Variants in ETV6 observed in about 807,000 individuals in gnomAD.
ETV6 encodes ETS variant transcription factor 6.
In ETV6, 16 loss-of-function variants were observed where a neutral mutation model predicts 51.1. The observed-to-expected ratio is 0.31, with a 90% CI of 0.21 to 0.48. The LOEUF is 0.48. Ranked by LOEUF, ETV6 falls within the 20% of genes least tolerant of loss-of-function variation. The pLI is 0.99. For missense variants in ETV6, 458 were observed against 594.8 expected, an observed-to-expected ratio of 0.77 and a Z score of 2.39; for synonymous variants, 240 against 224.1, an observed-to-expected ratio of 1.07 and a Z score of -0.64.
chr12:11,892,764 G>A lies in ETV6; in HGVS notation c.*1718G>A, dbSNP rs1314405651. 8.6e-6 allele frequency: 2 copies of A among 232,924 alleles called. No individual in the cohort carries two copies. Among genetic ancestry groups the A allele is most frequent in the Non-Finnish European group, 1.7e-5 (2 of 117,960 alleles). 14.4% of individuals were successfully genotyped at this position (232,924 alleles called of 1,614,324 possible). A position where few individuals can be genotyped will look rare whatever the true frequency, so the allele number is the denominator to read the frequency against. ...TTCTCCCCAGCTTTTTCTGAGTTGA[G>A]TCAGACATGTAGAGTTTGGGTCACA... is the stretch of plus-strand genomic sequence containing the variant. On this transcript the variant is annotated 3_prime_UTR_variant, in exon 8 of 8. Coordinates refer to ENST00000396373, the MANE Select transcript of ETV6 (RefSeq NM_001987.5).
rs1311984988 is a variant in ETV6, at chr12:11,722,698, G to A, written c.34-29752G>A. ...CTCCCAAACCCCAGTTGTAGGCCAG[G>A]CCCTAAACTGAGAGAAATGGACAAC... is the stretch of plus-strand genomic sequence containing the variant. On this transcript the variant is annotated intron_variant, in intron 1 of 7. Coordinates refer to ENST00000396373, the MANE Select transcript of ETV6 (RefSeq NM_001987.5). Among the ~76,000 whole-genome samples the A allele has an allele frequency of 3.9e-5, 6 of 152,186 alleles. No homozygotes were observed. The East Asian group carries it at 1.2e-3, about 29-fold the overall frequency.
At chr12:11,688,689 A>T (rs752340411) in intron 1 of ETV6, among the ~76,000 whole-genome samples, 1 of 152,184 alleles carries the variant, frequency 6.6e-6, no homozygotes, top group Non-Finnish European at 1.5e-5. Flanking sequence ...AGTTTAGGGC[A>T]ACCGTAGAAA....
At chr12:11,882,061 T>G (rs529110585) in intron 5 of ETV6, among the ~76,000 whole-genome samples, 25 of 152,314 alleles carry the variant, frequency 1.6e-4, no homozygotes, top group South Asian at 6.2e-4. Flanking sequence ...GACTATGGTG[T>G]TGTTGTTTTA....
Position 11,753,733 on chromosome 12 carries a change from G to A in ETV6, c.163+1154G>A, listed in dbSNP as rs1017713998. 7.2e-5 allele frequency among the ~76,000 whole-genome samples: 11 copies of A among 152,200 alleles called. No individual in the cohort carries two copies. The East Asian group carries it at 1.2e-3, about 16-fold the overall frequency. ...TGGGGGCTCCTGGGGGAACACTGCC[G>A]CCGGCTTATGCCTTCTGCCCCAGAG... On this transcript the variant is annotated intron_variant, in intron 2 of 7. Coordinates refer to ENST00000396373, the MANE Select transcript of ETV6 (RefSeq NM_001987.5).
chr12:11,851,088 G>A (rs1421726792), intron 3 of ETV6, among the ~76,000 whole-genome samples: 6 of 152,102 alleles, frequency 3.9e-5, no homozygotes, highest in African/African-American at 9.7e-5. Flanking sequence ...GACTCCCACC[G>A]AGGCAGCCGT....
At chr12:11,748,076 C>T (rs1865940426) in intron 1 of ETV6, among the ~76,000 whole-genome samples, 1 of 152,234 alleles carries the variant, frequency 6.6e-6, no homozygotes, top group South Asian at 2.1e-4. Flanking sequence ...ATATTGCTGG[C>T]ATGACCACTC....
intron 1 of ETV6, among the ~76,000 whole-genome samples, chr12:11,690,526 G>A (rs1450787346): frequency 1.3e-5 from 2 of 151,976 alleles, no homozygotes; most frequent in African/African-American, 4.8e-5. Context: ...AGGAGTTCGA[G>A]TCTGCAGTGA....
intron 1 of ETV6, among the ~76,000 whole-genome samples, chr12:11,654,580 C>T (rs1170083990): frequency 2.7e-5 from 4 of 147,282 alleles, no homozygotes; most frequent in Admixed American, 2.1e-4. Flanking sequence ...GGGTATGTGC[C>T]AAGGAAGATG....
At chr12:11,840,407 C>T (rs764380523) in intron 3 of ETV6, 9 of 455,884 alleles carry the variant, frequency 2.0e-5, no homozygotes, top group South Asian at 6.2e-5. Flanking sequence ...ATGCCTCTTG[C>T]GGGATTAATT....
chr12:11,723,005 C>G (rs2120935933), intron 1 of ETV6, among the ~76,000 whole-genome samples: 1 of 152,282 alleles, frequency 6.6e-6, no homozygotes, highest in Admixed American at 6.5e-5. Context: ...TTAATAACCA[C>G]AGGTGAAACC....
chr12:11,653,787 T>G (rs1837764227), intron 1 of ETV6, among the ~76,000 whole-genome samples: 2 of 152,112 alleles, frequency 1.3e-5, no homozygotes, highest in South Asian at 4.1e-4. Flanking sequence ...CTCAAATGCT[T>G]ATTAATAGAA....
At chr12:11,691,058 T>C (rs1864751857) in intron 1 of ETV6, among the ~76,000 whole-genome samples, 1 of 151,916 alleles carries the variant, frequency 6.6e-6, no homozygotes, top group South Asian at 2.1e-4. Flanking sequence ...GCCCAAATGG[T>C]CAAATTCTGG....
chr12:11,718,586 C>T (rs961046551), intron 1 of ETV6, among the ~76,000 whole-genome samples: 4 of 143,224 alleles, frequency 2.8e-5, no homozygotes, highest in Non-Finnish European at 6.0e-5. Flanking sequence ...GGCAACATGA[C>T]GAAACCCCAT....
At chr12:11,750,783 A>G (rs1591648607) in intron 1 of ETV6, 2 of 431,522 alleles carry the variant, frequency 4.6e-6, no homozygotes, top group East Asian at 1.2e-4. Flanking sequence ...TGTTTCCTAT[A>G]TGTGTGGGCT....
At chr12:11,847,302 AG>A (rs1445413373) in intron 3 of ETV6, among the ~76,000 whole-genome samples, 1 of 152,216 alleles carries the variant, frequency 6.6e-6, no homozygotes, top group Non-Finnish European at 1.5e-5. Context: ...TGTTTGTGTT[AG>A]GCACATCAAA....
intron 2 of ETV6, among the ~76,000 whole-genome samples, chr12:11,805,242 C>G (rs552088552): frequency 6.6e-6 from 1 of 152,278 alleles, no homozygotes; most frequent in South Asian, 2.1e-4. Flanking sequence ...GGTATCTCCC[C>G]CTGCAGGCAG....
At chr12:11,702,847 T>G (rs931379084) in intron 1 of ETV6, among the ~76,000 whole-genome samples, 1 of 152,246 alleles carries the variant, frequency 6.6e-6, no homozygotes, top group Non-Finnish European at 1.5e-5. Context: ...TTGTCATGCC[T>G]GTAATCCCAA....
chr12:11,793,999 C>T (rs1368145800), intron 2 of ETV6, among the ~76,000 whole-genome samples: 1 of 152,076 alleles, frequency 6.6e-6, no homozygotes, highest in East Asian at 1.9e-4. Context: ...CTCTGGAAGG[C>T]GTCTTGTACT....
rs376725658 is a variant in ETV6, at chr12:11,821,671, T to TA, written c.164-17459dup. ...GGCAACATAGCAAGACCCCATCTCT[T>TA]AAAAAAAAAATGTGTTTTAGATTAG... On this transcript the variant is annotated intron_variant, in intron 2 of 7. Coordinates refer to ENST00000396373, the MANE Select transcript of ETV6 (RefSeq NM_001987.5). Among the ~76,000 whole-genome samples, 1,257 of 149,798 alleles carry TA rather than the reference T, an allele frequency of 8.4e-3. 18 individuals are homozygous for TA. The highest frequency in any genetic ancestry group is 0.028 in the African/African-American group (1,136 of 40,866).
Sources: gnomAD v4.1 joint callset for allele counts (sites outside exome capture counted in the v4.1 genomes callset) on GRCh38, gnomAD v4.1.1 for gene constraint, MANE v1.5 for transcripts, NCBI Gene and HGNC (gene_info 2026-07-23, HGNC 2026-07-21) for gene names.